The following NUDT2 variants were observed in gnomAD, a reference collection of about 807,000 sequenced individuals.
The protein encoded by NUDT2 is nudix hydrolase 2.
NUDT2 carries 12 observed loss-of-function variants against 14.2 expected under a neutral mutation model. The ratio of observed to expected loss-of-function variants is 0.84; its 90% CI spans 0.54 to 1.37. The LOEUF is 1.37. Among genes scored for constraint, NUDT2 ranks in the 40% most tolerant of loss-of-function variants. The pLI, the probability that NUDT2 is intolerant of heterozygous loss-of-function variation, is 0.00. For missense variants in NUDT2, 167 were observed against 176.7 expected (o/e 0.95, Z 0.31); for synonymous variants, 67 against 67.4 (o/e 0.99, Z 0.03).
At chr9:34,338,398 C>T (rs773545132) in intron 2 of NUDT2, among the ~76,000 whole-genome samples, 6 of 138,240 alleles carry the variant, frequency 4.3e-5, no homozygotes, top group Non-Finnish European at 7.6e-5. Context: ...GTCCCAGCTA[C>T]TTGAGAGGTT....
chr9:34,332,554 C>G (rs551902215), intron 1 of NUDT2, among the ~76,000 whole-genome samples: 2 of 152,326 alleles, frequency 1.3e-5, no homozygotes, highest in East Asian at 3.9e-4. Context: ...TAGAATTGTA[C>G]AGCAGATGGC....
At position 34,341,942 on chromosome 9, in the gene NUDT2, C is replaced by T. The variant is rs182587595; in HGVS notation, c.128-1182C>T. Among the ~76,000 whole-genome samples, 15 of 152,274 alleles carry T rather than the reference C, an allele frequency of 9.9e-5. No individual in the cohort carries two copies. In the East Asian group the frequency reaches 1.7e-3, roughly 18 times the overall value. ...CCATGAGCCTGTGAGCAGGAGGCCTCCCTAGAAACTTACTGGAGCCAAGGT... is the reference window on the plus strand; with the variant it reads ...CCATGAGCCTGTGAGCAGGAGGCCTTCCTAGAAACTTACTGGAGCCAAGGT... On this transcript the variant is annotated intron_variant, in intron 4 of 4. Coordinates refer to ENST00000379158, the MANE Select transcript of NUDT2 (RefSeq NM_001161.5).
In NUDT2 at chr9:34,343,477, C is replaced by A; in HGVS notation, c.*37C>A. The A allele has an allele frequency of 6.7e-7, 1 of 1,502,608 alleles. No homozygotes were observed. Among genetic ancestry groups the A allele is most frequent in the Non-Finnish European group, 8.9e-7 (1 of 1,122,194 alleles). 93.1% of individuals were successfully genotyped at this position (1,502,608 alleles called of 1,614,324 possible). On this transcript the variant is annotated 3_prime_UTR_variant, in exon 5 of 5. Transcript: ENST00000379158. ...CAGAGTCATTTGCTTCAGCAGGATC[C>A]TTGTGGGCCTTCTAAGATGAAGCCA...
Position 34,338,801 on chromosome 9 carries a change from C to A in NUDT2, c.-63C>A. 3.0e-6 allele frequency: 1 copy of A among 337,408 alleles called. No individual in the cohort carries two copies. The highest frequency in any genetic ancestry group is 5.6e-6 in the Non-Finnish European group (1 of 180,142). The allele number at this position is 337,408 out of a possible 1,614,324, so 20.9% of individuals were successfully genotyped here. A position where few individuals can be genotyped will look rare whatever the true frequency, so the allele number is the denominator to read the frequency against. ...GCCCTGGAGGAGTTGGGATAGAGGC[C>A]ACATTGACTGAGGGTAGTTGCCAGG... On this transcript the variant is annotated 5_prime_UTR_variant, in exon 3 of 5. Coordinates refer to ENST00000379158, the MANE Select transcript of NUDT2 (RefSeq NM_001161.5).
In NUDT2 at chr9:34,343,573, T is replaced by C; in HGVS notation, c.*133T>C. Reference sequence around the variant, plus strand: ...CCAAGAGCAGATTTGTGAAATCGGCTCAACTCCCAGGTGAGAGCAAGCAAA... The same window carrying C: ...CCAAGAGCAGATTTGTGAAATCGGCCCAACTCCCAGGTGAGAGCAAGCAAA... On this transcript the variant is annotated 3_prime_UTR_variant, in exon 5 of 5. Coordinates refer to ENST00000379158, the MANE Select transcript of NUDT2 (RefSeq NM_001161.5). 3.7e-6 allele frequency: 3 copies of C among 821,464 alleles called. No homozygotes were observed. Among genetic ancestry groups the C allele is most frequent in the Non-Finnish European group, 5.4e-6 (3 of 550,844 alleles). 50.9% of individuals were successfully genotyped at this position (821,464 alleles called of 1,614,324 possible).
At chr9:34,336,760 T>G (rs951040694) in intron 2 of NUDT2, among the ~76,000 whole-genome samples, 3 of 151,968 alleles carry the variant, frequency 2.0e-5, no homozygotes, top group Non-Finnish European at 4.4e-5. Flanking sequence ...TCCGGACTGG[T>G]CTCAAACTCC....
chr9:34,334,015 C>T (rs1054184158), intron 1 of NUDT2, among the ~76,000 whole-genome samples: 1 of 152,080 alleles, frequency 6.6e-6, no homozygotes, highest in Non-Finnish European at 1.5e-5. Flanking sequence ...TAATTGACAA[C>T]GCGGCATGAA....
intron 4 of NUDT2, among the ~76,000 whole-genome samples, chr9:34,341,857 C>G (rs961521274): frequency 6.6e-5 from 10 of 152,124 alleles, no homozygotes; most frequent in African/African-American, 1.9e-4. Flanking sequence ...TTGTAGACCC[C>G]TGGGAAGGAT....
In NUDT2 at chr9:34,343,381, A is replaced by G. The variant is rs1418590497; in HGVS notation, c.385A>G (p.Lys129Glu). ...LEEACQLAQF[K>E]EMKAALQEGH... ...GGAGGCCTGCCAGTTGGCTCAGTTCAAGGAGATGAAGGCAGCGCTCCAAGA... is the reference window on the plus strand; with the variant it reads ...GGAGGCCTGCCAGTTGGCTCAGTTCGAGGAGATGAAGGCAGCGCTCCAAGA... The change falls in exon 5 of 5, where the codon AAG becomes GAG. Residue 129 changes from lysine (K) to glutamate (E), a missense_variant. By Grantham distance (56) the Lys-to-Glu change is moderately conservative (BLOSUM62 1). Coordinates refer to ENST00000379158, the MANE Select transcript of NUDT2 (RefSeq NM_001161.5). 3 of 1,613,398 alleles carry G rather than the reference A, an allele frequency of 1.9e-6. No homozygotes were observed. The highest frequency in any genetic ancestry group is 1.7e-6 in the Non-Finnish European group (2 of 1,179,486).
rs148424748 is a variant in NUDT2 at position 34,341,352 on chromosome 9, G to A, written c.128-1772G>A. 8.7e-4 allele frequency among the ~76,000 whole-genome samples: 133 copies of A among 152,302 alleles called. 1 individual carries two copies. In the East Asian group the frequency reaches 0.02, roughly 22 times the overall value. Reference sequence around the variant, plus strand: ...CCTCTGAGGGGAGGTAGGACGTCCTGAGTCAGTATCACCCATCACTACTAG... The same window carrying A: ...CCTCTGAGGGGAGGTAGGACGTCCTAAGTCAGTATCACCCATCACTACTAG... On this transcript the variant is annotated intron_variant, in intron 4 of 4. Transcript: ENST00000379158.
chr9:34,333,631 A>G (rs768546977), intron 1 of NUDT2, among the ~76,000 whole-genome samples: 3 of 129,778 alleles, frequency 2.3e-5, no homozygotes, highest in Admixed American at 8.4e-5. Flanking sequence ...TGGATGACAC[A>G]GAGAGACATT....
chr9:34,338,946 AT>A, intron 3 of NUDT2, 77 bp from the exon 4 acceptor site: 1 of 1,256,056 alleles, frequency 8.0e-7, no homozygotes, highest in South Asian at 1.4e-5. Context: ...ATTACTGTCC[AT>A]CACCAGATTG....
At chr9:34,343,085 G>T (rs1820234283) in intron 4 of NUDT2, 39 bp from the exon 5 acceptor site, 1 of 1,534,296 alleles carries the variant, frequency 6.5e-7, no homozygotes, top group African/African-American at 1.4e-5. Context: ...AACTTTGGAA[G>T]ATTTCCTCCT....
At chr9:34,336,914 C>T (rs1838102430) in intron 2 of NUDT2, among the ~76,000 whole-genome samples, 3 of 151,704 alleles carry the variant, frequency 2.0e-5, no homozygotes. Flanking sequence ...TGCCTATTCC[C>T]ATATTGATGG....
chr9:34,336,561 A>T (rs1466226128), intron 2 of NUDT2, among the ~76,000 whole-genome samples: 1 of 151,850 alleles, frequency 6.6e-6, no homozygotes, highest in East Asian at 1.9e-4. Flanking sequence ...TTTGTTTTTG[A>T]GACAAGGTCT....
chr9:34,334,179 T>C (rs1032015666), intron 1 of NUDT2, among the ~76,000 whole-genome samples: 3 of 152,220 alleles, frequency 2.0e-5, no homozygotes, highest in Non-Finnish European at 4.4e-5. Context: ...AGCATAGCCA[T>C]GTATTTGTAA....
chr9:34,338,506 T>C (rs1838154657), intron 2 of NUDT2, among the ~76,000 whole-genome samples: 2 of 126,788 alleles, frequency 1.6e-5, no homozygotes, highest in Admixed American at 8.4e-5. Context: ...AGACCCTGTC[T>C]CAAAAAAAAA....
intron 1 of NUDT2, among the ~76,000 whole-genome samples, chr9:34,335,140 C>T (rs905522239): frequency 2.6e-5 from 4 of 152,182 alleles, no homozygotes; most frequent in Non-Finnish European, 4.4e-5. Context: ...CAGAGGGCTC[C>T]GGCTTCTCCA....
chr9:34,333,468 A>T (rs1361061128), intron 1 of NUDT2, among the ~76,000 whole-genome samples: 1 of 152,008 alleles, frequency 6.6e-6, no homozygotes, highest in Non-Finnish European at 1.5e-5. Context: ...CTCTACAAAA[A>T]AAGTGTTTTT....
Sources: allele counts gnomAD v4.1 joint callset (sites outside exome capture counted in the v4.1 genomes callset), GRCh38; gene constraint gnomAD v4.1.1; transcripts MANE v1.5; gene names NCBI Gene and HGNC (gene_info 2026-07-23, HGNC 2026-07-21).